SCAMP2: variants seen among roughly 807,000 people sequenced by gnomAD.
SCAMP2 encodes secretory carrier membrane protein 2.
Under a neutral mutation model 44.1 loss-of-function variants are expected in SCAMP2, and 25 were observed. The observed-to-expected ratio is 0.57, with a 90% CI of 0.41 to 0.79. SCAMP2 has a LOEUF of 0.79. Among genes scored for constraint, SCAMP2 ranks in the 30% least tolerant of loss-of-function variants. SCAMP2 has a pLI of 0.00. For synonymous variants in SCAMP2, 156 were observed against 166.0 expected (o/e 0.94, Z 0.46); for missense variants, 355 against 411.0 (o/e 0.86, Z 1.18).
At position 74,852,139 on chromosome 15, in the gene SCAMP2, T is replaced by C. The variant is rs773125395; in HGVS notation, c.273A>G (p.Glu91=). 1.9e-6 allele frequency: 3 copies of C among 1,586,846 alleles called. No individual in the cohort carries two copies. Among genetic ancestry groups the C allele is most frequent in the Non-Finnish European group, 2.6e-6 (3 of 1,166,808 alleles). The part of the protein sequence containing the change: ...AQAGLLRQQE[E]LDRKAAELER... Reference sequence around the variant, plus strand: ...CCAGCTCGGCAGCTTTCCTGTCCAGTTCTTCCTGCTGCCGGAGCAGGCCTG... The same window carrying C: ...CCAGCTCGGCAGCTTTCCTGTCCAGCTCTTCCTGCTGCCGGAGCAGGCCTG... The change falls in exon 4 of 9, where the codon GAA becomes GAG. Residue 91 remains glutamate, a synonymous_variant. Transcript: ENST00000268099.
chr15:74,868,951 T>A (rs2064559357), intron 1 of SCAMP2, among the ~76,000 whole-genome samples: 1 of 151,932 alleles, frequency 6.6e-6, no homozygotes, highest in Admixed American at 6.6e-5. Context: ...AGGTCTGGAG[T>A]TCGTGACCAG....
At chr15:74,853,037 GTGTACACACACACA>G (rs1180116104) in intron 3 of SCAMP2, 1 of 167,536 alleles carries the variant, frequency 6.0e-6, no homozygotes, top group Non-Finnish European at 1.3e-5. Flanking sequence ...CCAGGCACAT[GTGTACACACACACA>G]TGTATACACA....
At chr15:74,853,566 G>A (rs1422691566) in intron 3 of SCAMP2, 1 of 427,232 alleles carries the variant, frequency 2.3e-6, no homozygotes, top group Admixed American at 2.5e-5. Flanking sequence ...AGGGCAGTGA[G>A]GCGGCGCAGT....
intron 3 of SCAMP2, 77 bp downstream of exon 3, chr15:74,853,944 C>T: frequency 1.5e-6 from 2 of 1,328,744 alleles, no homozygotes; most frequent in South Asian, 2.4e-5. Flanking sequence ...TGCTTGCCCC[C>T]AGCCTCAGGG....
At chr15:74,855,021 G>A (rs1335098354) in intron 1 of SCAMP2, among the ~76,000 whole-genome samples, 1 of 151,596 alleles carries the variant, frequency 6.6e-6, no homozygotes, top group Non-Finnish European at 1.5e-5. Context: ...CAAGTGAATG[G>A]GGTGGTGAGG....
Position 74,845,153 on chromosome 15 carries a change from C to T in SCAMP2, c.920G>A (p.Gly307Asp). Residue 307 changes from glycine to aspartate, a missense_variant, in exon 9 of 9, where the codon GGC becomes GAC. Coordinates refer to ENST00000268099, the MANE Select transcript of SCAMP2 (RefSeq NM_005697.5). ...GTGGAAGGTTCTGCTGCTGAAGATG[C>T]CCTGGGAAAACTCCTCCTGGGCCTG... ...FQQAQEEFSQ[G>D]IFSSRTFHRA... 2 of 1,613,950 alleles carry T rather than the reference C, an allele frequency of 1.2e-6. No homozygotes were observed. The highest frequency in any genetic ancestry group is 2.2e-5 in the South Asian group (2 of 91,072).
intron 1 of SCAMP2, among the ~76,000 whole-genome samples, chr15:74,862,294 T>TAAAAAAATAAA (rs1567254012): frequency 2.2e-5 from 2 of 90,512 alleles, no homozygotes; most frequent in Non-Finnish European, 4.8e-5. Flanking sequence ...AAAAAATTCC[T>TAAAAAAATAAA]GGCCAGGTGC....
chr15:74,851,658 A>G (rs1409852139), intron 4 of SCAMP2, among the ~76,000 whole-genome samples, 177 bp from the exon 5 acceptor site: 1 of 152,214 alleles, frequency 6.6e-6, no homozygotes, highest in East Asian at 1.9e-4. Context: ...TGGAACCCAA[A>G]GAGATACCAA....
intron 4 of SCAMP2, 136 bp from the exon 5 acceptor site, chr15:74,851,617 A>C: frequency 9.7e-7 from 1 of 1,032,676 alleles, no homozygotes; most frequent in South Asian, 1.5e-5. Flanking sequence ...TGGAGTCTGC[A>C]TGGAGCATGG....
intron 7 of SCAMP2, among the ~76,000 whole-genome samples, chr15:74,846,830 G>A (rs1049011752): frequency 5.3e-5 from 8 of 152,132 alleles, no homozygotes; most frequent in African/African-American, 1.9e-4. Flanking sequence ...TGGGGAGTAT[G>A]GAAAGCGTGG....
rs528602065 is a variant in SCAMP2, at chr15:74,857,592, G to C, written c.58-2943C>G. On this transcript the variant is annotated intron_variant, in intron 1 of 8. Coordinates refer to ENST00000268099, the MANE Select transcript of SCAMP2 (RefSeq NM_005697.5). ...TAATGGCAAACAGACATCTGGCCAAGGTGCACATGTTTAATAGGTGATCTC... is the reference window on the plus strand; with the variant it reads ...TAATGGCAAACAGACATCTGGCCAACGTGCACATGTTTAATAGGTGATCTC... Among the ~76,000 whole-genome samples the C allele has an allele frequency of 5.0e-4, 76 of 152,274 alleles. 1 individual carries two copies. Among genetic ancestry groups the C allele is most frequent in the African/African-American group, 1.6e-3 (68 of 41,562 alleles).
chr15:74,855,822 G>C lies in SCAMP2; in HGVS notation c.58-1173C>G, dbSNP rs541575519. 3.9e-5 allele frequency among the ~76,000 whole-genome samples: 6 copies of C among 151,918 alleles called. No individual in the cohort carries two copies. In the South Asian group the frequency reaches 1.2e-3, roughly 32 times the overall value. On this transcript the variant is annotated intron_variant, in intron 1 of 8. Transcript: ENST00000268099. ...ATCGGGCACACTTGCTAAGAGCAGA[G>C]ATATGATGAGCTGAGGTGAAAATTC...
In SCAMP2 at chr15:74,848,608, C is replaced by T. The variant is rs140467000; in HGVS notation, c.726G>A (p.Leu242=). The T allele has an allele frequency of 5.0e-6, 8 of 1,600,580 alleles. No homozygotes were observed. The highest frequency in any genetic ancestry group is 6.9e-6 in the Non-Finnish European group (8 of 1,167,734). Residue 242 remains leucine, a synonymous_variant, in exon 7 of 9, where the codon CTG becomes CTA. Transcript: ENST00000268099. ...YIIQLVGIPG[L]GDSGWIAALS... ...TGATGCCCAGGTCTCACCTGTCCCC[C>T]AGGCCAGGGATGCCAACCAACTGGA...
At chr15:74,850,793 G>GCGGGCTCCTCTGTTTCA in intron 5 of SCAMP2, 120 bp from the exon 6 acceptor site, 1 of 1,021,806 alleles carries the variant, frequency 9.8e-7, no homozygotes, top group Non-Finnish European at 1.4e-6. Context: ...CTGAAACAGA[G>GCGGGCTCCTCTGTTTCA]GAGCCCGCTC....
At chr15:74,853,415 C>T (rs2064448019) in intron 3 of SCAMP2, 1 of 456,398 alleles carries the variant, frequency 2.2e-6, no homozygotes, top group Non-Finnish European at 4.4e-6. Context: ...CTTTCTCCTC[C>T]TAGGAGCATC....
chr15:74,873,322 G>T lies in SCAMP2; in HGVS notation c.-67C>A. The T allele has an allele frequency of 7.2e-7, 1 of 1,391,950 alleles. No individual in the cohort carries two copies. The highest frequency in any genetic ancestry group is 9.5e-7 in the Non-Finnish European group (1 of 1,052,328). The allele number at this position is 1,391,950 out of a possible 1,614,324, so 86.2% of individuals were successfully genotyped here. On this transcript the variant is annotated 5_prime_UTR_variant, in exon 1 of 9. Coordinates refer to ENST00000268099, the MANE Select transcript of SCAMP2 (RefSeq NM_005697.5). ...CCTCCGGGCACCCAGACCCAGCGGC[G>T]CTTCGTGTAGACCCTCCACTTCCGG... is the stretch of plus-strand genomic sequence containing the variant.
rs958214146 is a variant in SCAMP2, at chr15:74,858,969, C to T, written c.58-4320G>A. On this transcript the variant is annotated intron_variant, in intron 1 of 8. Transcript: ENST00000268099. ...GACTACAGGCACCTGCCACCACGCCCGGCTACTTTTTTTGTATTTTTAGTA... is the reference window on the plus strand; with the variant it reads ...GACTACAGGCACCTGCCACCACGCCTGGCTACTTTTTTTGTATTTTTAGTA... Among the ~76,000 whole-genome samples the T allele has an allele frequency of 5.3e-5, 8 of 151,824 alleles. 1 individual carries two copies. The highest frequency in any genetic ancestry group is 4.2e-4 in the South Asian group (2 of 4,814).
rs1036585155 is a variant in SCAMP2, at chr15:74,868,670, G to A, written c.57+4529C>T. Among the ~76,000 whole-genome samples, 4 of 152,166 alleles carry A rather than the reference G, an allele frequency of 2.6e-5. No homozygotes were observed. In the South Asian group the frequency reaches 8.3e-4, roughly 31 times the overall value. ...TGATCCCCCTGTGGCAGCCTCCCGA[G>A]TAGCTGAGCCCACAGGTGCATGCCA... is the stretch of plus-strand genomic sequence containing the variant. On this transcript the variant is annotated intron_variant, in intron 1 of 8. Transcript: ENST00000268099.
At chr15:74,871,700 C>T (rs1422397218) in intron 1 of SCAMP2, among the ~76,000 whole-genome samples, 4 of 151,366 alleles carry the variant, frequency 2.6e-5, no homozygotes, top group East Asian at 1.9e-4. Flanking sequence ...TGCAGTGAGC[C>T]GAGATCGCGC....
Sources: allele counts gnomAD v4.1 joint callset (sites outside exome capture counted in the v4.1 genomes callset), GRCh38; gene constraint gnomAD v4.1.1; transcripts MANE v1.5; gene names NCBI Gene and HGNC (gene_info 2026-07-23, HGNC 2026-07-21).